The following PDE5A variants were observed in gnomAD, a reference collection of about 807,000 sequenced individuals.
PDE5A encodes phosphodiesterase 5A, also known as cGMP-specific 3',5'-cyclic phosphodiesterase.
In PDE5A, 67 loss-of-function variants were observed where a neutral mutation model predicts 110.2. The ratio of observed to expected loss-of-function variants is 0.61; its 90% CI spans 0.50 to 0.75. PDE5A has a LOEUF of 0.75. Among genes scored for constraint, PDE5A ranks in the 30% least tolerant of loss-of-function variants. The pLI is 0.00. For missense variants in PDE5A, 862 were observed against 1,045.1 expected, an observed-to-expected ratio of 0.82 and a Z score of 2.42; for synonymous variants, 328 against 351.2, an observed-to-expected ratio of 0.93 and a Z score of 0.74.
intron 3 of PDE5A, among the ~76,000 whole-genome samples, chr4:119,586,432 A>G (rs759191799): frequency 2.0e-5 from 3 of 152,240 alleles, no homozygotes; most frequent in Non-Finnish European, 4.4e-5. Context: ...AACAAGGAAT[A>G]CAGGGTATTT....
intron 3 of PDE5A, among the ~76,000 whole-genome samples, chr4:119,569,231 A>AGGTCTCACTATGCCCAGGCT (rs990729503): frequency 6.6e-6 from 1 of 151,850 alleles, no homozygotes; most frequent in Admixed American, 6.6e-5. Flanking sequence ...TGTAGAGATG[A>AGGTCTCACTATGCCCAGGCT]GGTCTCACTA....
At chr4:119,529,841 A>G (rs1726467774) in intron 11 of PDE5A, among the ~76,000 whole-genome samples, 1 of 152,232 alleles carries the variant, frequency 6.6e-6, no homozygotes, top group South Asian at 2.1e-4. Context: ...TGAATATTTG[A>G]CCTGATGAGT....
intron 11 of PDE5A, among the ~76,000 whole-genome samples, chr4:119,538,156 T>C (rs567230648): frequency 6.6e-6 from 1 of 152,112 alleles, no homozygotes; most frequent in Admixed American, 6.5e-5. Flanking sequence ...CTTCATAACA[T>C]AGTTATGAAG....
rs936123413 is a variant in PDE5A, at chr4:119,627,935, G to A, written c.152+585C>T. ...CACAGCCTTCGGCGGAAAAGCGAGT[G>A]AAAGGAGGCGCGCGGGACAAGCAGG... On this transcript the variant is annotated intron_variant, in intron 1 of 20. Coordinates refer to ENST00000354960, the MANE Select transcript of PDE5A (RefSeq NM_001083.4). This position sits in a 1 kb window ranked among gnomAD's most constrained non-coding sequence, Gnocchi z 4.6. 1.3e-5 allele frequency: 7 copies of A among 536,304 alleles called. No homozygotes were observed. The Admixed American group carries it at 3.2e-4, about 24-fold the overall frequency. 33.2% of individuals were successfully genotyped at this position (536,304 alleles called of 1,614,324 possible). A position where few individuals can be genotyped will look rare whatever the true frequency, so the allele number is the denominator to read the frequency against.
chr4:119,616,320 T>C (rs1729942672), intron 1 of PDE5A, among the ~76,000 whole-genome samples: 2 of 152,136 alleles, frequency 1.3e-5, no homozygotes, highest in South Asian at 2.1e-4. Flanking sequence ...AAAATTCATA[T>C]TAATTAGATG....
intron 1 of PDE5A, among the ~76,000 whole-genome samples, chr4:119,621,324 C>T (rs1467744992): frequency 3.9e-5 from 6 of 152,312 alleles, no homozygotes; most frequent in Middle Eastern, 3.4e-3. Flanking sequence ...CAACCCTACT[C>T]TCCCGAATAC....
intron 2 of PDE5A, among the ~76,000 whole-genome samples, chr4:119,604,914 A>G (rs1729474577): frequency 6.6e-6 from 1 of 151,654 alleles, no homozygotes; most frequent in Admixed American, 6.6e-5. Flanking sequence ...TCCGAAATCC[A>G]TTCCCTCCTT....
At chr4:119,529,268 C>T (rs947366812) in intron 11 of PDE5A, among the ~76,000 whole-genome samples, 6 of 152,080 alleles carry the variant, frequency 3.9e-5, no homozygotes, top group Non-Finnish European at 8.8e-5. Flanking sequence ...CATGTTTTCA[C>T]GTAGCTAATT....
chr4:119,616,373 G>T (rs529733916), intron 1 of PDE5A, among the ~76,000 whole-genome samples: 124 of 152,212 alleles, frequency 8.1e-4, no homozygotes, highest in African/African-American at 2.8e-3. Context: ...AACCTTTTGA[G>T]CTCTTGTCAT....
chr4:119,504,595 T>C lies in PDE5A; in HGVS notation c.2272A>G (p.Met758Val), dbSNP rs747784532. The C allele has an allele frequency of 1.9e-6, 3 of 1,612,168 alleles. No individual in the cohort carries two copies. Among genetic ancestry groups the C allele is most frequent in the Middle Eastern group, 1.7e-4 (1 of 6,046 alleles). ...DPHQKELFLAMLMTACDLSAI... is the reference protein window; with the variant it reads ...DPHQKELFLAVLMTACDLSAI... ...GAAAGATCACAAGCTGTCATCAGCA[T>C]TGCCCTGTTATGGAAAAAAGAAACC... The change falls in exon 18 of 21, where the codon ATG (methionine) becomes GTG (valine). Residue 758 changes from methionine (M) to valine (V), a missense_variant. By Grantham distance (21) the Met-to-Val change is conservative (BLOSUM62 1). Transcript: ENST00000354960.
At chr4:119,516,378 A>G (rs1026075548) in intron 14 of PDE5A, among the ~76,000 whole-genome samples, 8 of 152,228 alleles carry the variant, frequency 5.3e-5, no homozygotes, top group African/African-American at 1.4e-4. Flanking sequence ...ATAATTATTC[A>G]TTATCTATCT....
intron 3 of PDE5A, among the ~76,000 whole-genome samples, chr4:119,592,647 T>C (rs1283700437): frequency 6.6e-6 from 1 of 152,228 alleles, no homozygotes; most frequent in East Asian, 1.9e-4. Flanking sequence ...AAATCCAAAA[T>C]GCTTCAATGA....
At chr4:119,592,456 T>TA (rs55997249) in intron 3 of PDE5A, among the ~76,000 whole-genome samples, 699 of 66,142 alleles carry the variant, frequency 0.011, 30 homozygotes, top group African/African-American at 0.035. Flanking sequence ...AGACTCTGTT[T>TA]AAAAAAAAAA....
chr4:119,526,898 A>G (rs1484542102), intron 11 of PDE5A: 2 of 152,118 alleles, frequency 1.3e-5, no homozygotes, highest in African/African-American at 2.4e-5. Context: ...AGTCAATTCC[A>G]TAGGCTAATG....
At chr4:119,502,536 A>AAAAAACAATTTG in intron 19 of PDE5A, 45 bp downstream of exon 19, 1 of 1,194,586 alleles carries the variant, frequency 8.4e-7, no homozygotes, top group Non-Finnish European at 1.2e-6. Context: ...ACAATTAAAA[A>AAAAAACAATTTG]AAAAACAATT....
At chr4:119,592,252 G>A (rs1728997674) in intron 3 of PDE5A, among the ~76,000 whole-genome samples, 1 of 149,780 alleles carries the variant, frequency 6.7e-6, no homozygotes, top group African/African-American at 2.5e-5. Context: ...TCAGGAGATC[G>A]TAGCTATCCT....
rs1724997565 is a variant in PDE5A, at chr4:119,494,666, T to G, written c.*3935A>C. ...TAAGCATAATATACATAGTAACTCC[T>G]TTTCCTAGTATAAAAATAGTGCCAG... On this transcript the variant is annotated 3_prime_UTR_variant, in exon 21 of 21. Transcript: ENST00000354960. 6.6e-6 allele frequency: 1 copy of G among 152,602 alleles called. No individual in the cohort carries two copies. The highest frequency in any genetic ancestry group is 2.1e-4 in the South Asian group (1 of 4,832). The allele number at this position is 152,602 out of a possible 1,614,324, so 9.5% of individuals were successfully genotyped here.
At chr4:119,526,064 C>G (rs1726306552) in intron 11 of PDE5A, among the ~76,000 whole-genome samples, 1 of 152,084 alleles carries the variant, frequency 6.6e-6, no homozygotes, top group South Asian at 2.1e-4. Flanking sequence ...CTGGAACCAT[C>G]CCAGTGCTCT....
In PDE5A at chr4:119,525,847, A is replaced by C. The variant is rs1341894790; in HGVS notation, c.1633-152T>G. 1 of 661,838 alleles carries C rather than the reference A, an allele frequency of 1.5e-6. No individual in the cohort carries two copies. Among genetic ancestry groups the C allele is most frequent in the African/African-American group, 1.8e-5 (1 of 54,704 alleles). 41.0% of individuals were successfully genotyped at this position (661,838 alleles called of 1,614,324 possible). On this transcript the variant is annotated intron_variant, in intron 11 of 20. Coordinates refer to ENST00000354960, the MANE Select transcript of PDE5A (RefSeq NM_001083.4). This position sits in a 1 kb window ranked among gnomAD's most constrained non-coding sequence, Gnocchi z 4.3. ...CTAGAAACCTTTTTGTACAGTGGCA[A>C]CTCCACTCTCTGCATTTTTAAAACT...
Sources: gnomAD v4.1 joint callset for allele counts (sites outside exome capture counted in the v4.1 genomes callset) on GRCh38, gnomAD v4.1.1 for gene constraint, Gnocchi (gnomAD v3.1) non-coding constraint, MANE v1.5 for transcripts, NCBI Gene and HGNC (gene_info 2026-07-23, HGNC 2026-07-21) for gene names.